The following DDC variants were observed in gnomAD, a reference collection of about 807,000 sequenced individuals.
DDC encodes aromatic-L-amino-acid decarboxylase.
DDC carries 43 observed loss-of-function variants against 60.0 expected under a neutral mutation model. The ratio of observed to expected loss-of-function variants is 0.72; its 90% confidence interval spans 0.56 to 0.92. The LOEUF is 0.92. Among genes scored for constraint, DDC ranks in the 40% least tolerant of loss-of-function variants. The pLI, the probability that DDC is intolerant of heterozygous loss-of-function variation, is 0.00. For missense variants in DDC, 573 were observed against 620.2 expected, an observed-to-expected ratio of 0.92 and a Z score of 0.81; for synonymous variants, 232 against 234.6, an observed-to-expected ratio of 0.99 and a Z score of 0.10.
At chr7:50,484,304 T>C (rs1160652741) in intron 9 of DDC, among the ~76,000 whole-genome samples, 1 of 152,230 alleles carries the variant, frequency 6.6e-6, no homozygotes, top group African/African-American at 2.4e-5. Flanking sequence ...TTCTTATTGC[T>C]TTCTTCCTTT....
At chr7:50,517,549 C>A (rs932475201) in intron 6 of DDC, among the ~76,000 whole-genome samples, 5 of 152,258 alleles carry the variant, frequency 3.3e-5, no homozygotes, top group South Asian at 4.1e-4. Flanking sequence ...CACTTCTTTA[C>A]AACATAGTAC....
At chr7:50,469,838 G>A (rs2042488286) in intron 12 of DDC, among the ~76,000 whole-genome samples, 1 of 152,096 alleles carries the variant, frequency 6.6e-6, no homozygotes, top group South Asian at 2.1e-4. Context: ...AATTAGCTGG[G>A]CATGATGGCG....
At chr7:50,530,690 G>A (rs1213563842) in intron 4 of DDC, among the ~76,000 whole-genome samples, 2 of 152,166 alleles carry the variant, frequency 1.3e-5, no homozygotes, top group Non-Finnish European at 2.9e-5. Context: ...GGCCTAGAAA[G>A]GTAGGGGCAG....
At chr7:50,511,231 G>A (rs2043569513) in intron 6 of DDC, among the ~76,000 whole-genome samples, 1 of 151,238 alleles carries the variant, frequency 6.6e-6, no homozygotes, top group Admixed American at 6.6e-5. Flanking sequence ...ATGTATGTGT[G>A]TACATATATG....
At chr7:50,544,263 A>C in intron 1 of DDC, 150 bp from the exon 2 acceptor site, 3 of 677,998 alleles carry the variant, frequency 4.4e-6, no homozygotes, top group Non-Finnish European at 8.0e-6. Flanking sequence ...CTTTCCCTCC[A>C]TGTCTGTAGG....
intron 11 of DDC, among the ~76,000 whole-genome samples, chr7:50,475,309 T>C (rs557016909): frequency 1.3e-5 from 2 of 152,326 alleles, no homozygotes; most frequent in African/African-American, 4.8e-5. Flanking sequence ...TTCCAAAAGA[T>C]AAGTCAGATT....
At chr7:50,483,165 A>G (rs1204226280) in intron 9 of DDC, among the ~76,000 whole-genome samples, 1 of 152,140 alleles carries the variant, frequency 6.6e-6, no homozygotes, top group Non-Finnish European at 1.5e-5. Context: ...CTTTTATCAG[A>G]TTAAGAAGTT....
chr7:50,503,216 C>T (rs2097332402), intron 7 of DDC, among the ~76,000 whole-genome samples: 1 of 152,250 alleles, frequency 6.6e-6, no homozygotes, highest in South Asian at 2.1e-4. Context: ...CCACTCACAG[C>T]CGAGCGGTCA....
intron 6 of DDC, among the ~76,000 whole-genome samples, chr7:50,515,561 T>C (rs2043704205): frequency 6.6e-6 from 1 of 152,142 alleles, no homozygotes; most frequent in African/African-American, 2.4e-5. Flanking sequence ...AAGAGCATGA[T>C]GAATGCAAGG....
intron 1 of DDC, among the ~76,000 whole-genome samples, chr7:50,546,331 G>T (rs2153551179): frequency 6.6e-6 from 1 of 152,308 alleles, no homozygotes; most frequent in East Asian, 1.9e-4. Context: ...GGGAGGGGCT[G>T]AACTCAATTC....
intron 9 of DDC, among the ~76,000 whole-genome samples, chr7:50,491,934 C>T (rs2043005704): frequency 6.6e-6 from 1 of 152,124 alleles, no homozygotes; most frequent in African/African-American, 2.4e-5. Flanking sequence ...CAGGAATGTC[C>T]CTAAGCTTAG....
chr7:50,490,850 T>C (rs2042984270), intron 9 of DDC, among the ~76,000 whole-genome samples: 1 of 152,252 alleles, frequency 6.6e-6, no homozygotes, highest in Admixed American at 6.5e-5. Flanking sequence ...ATCAAGCCAA[T>C]CATAATAGAA....
chr7:50,557,739 C>T (rs1361692619), intron 1 of DDC, among the ~76,000 whole-genome samples: 1 of 152,136 alleles, frequency 6.6e-6, no homozygotes, highest in Non-Finnish European at 1.5e-5. Context: ...ATAGGTCGCA[C>T]CTATTGGGTC....
intron 9 of DDC, among the ~76,000 whole-genome samples, chr7:50,484,033 G>C (rs988426346): frequency 1.3e-5 from 2 of 152,116 alleles, no homozygotes; most frequent in African/African-American, 2.4e-5. Flanking sequence ...ATCATGTTTT[G>C]TTGTAGTTAT....
intron 6 of DDC, 158 bp downstream of exon 6, chr7:50,527,979 C>T (rs2044085489): frequency 4.0e-6 from 3 of 755,444 alleles, no homozygotes; most frequent in Middle Eastern, 4.0e-4. Flanking sequence ...TCACTGCAAC[C>T]TCCGCCTCCC....
intron 6 of DDC, among the ~76,000 whole-genome samples, chr7:50,508,353 G>A (rs962595034): frequency 6.6e-6 from 1 of 152,222 alleles, no homozygotes; most frequent in Non-Finnish European, 1.5e-5. Context: ...AGGAGGGGTA[G>A]GGGACAGTTC....
At chr7:50,481,347 T>C (rs1033958646) in intron 9 of DDC, among the ~76,000 whole-genome samples, 1 of 152,244 alleles carries the variant, frequency 6.6e-6, no homozygotes, top group African/African-American at 2.4e-5. Flanking sequence ...ATAGGCATTT[T>C]ATGGGGAGCC....
rs2042423896 is a variant in DDC, at chr7:50,467,447, T to A, written c.1141-132A>T. On this transcript the variant is annotated intron_variant, in intron 12 of 14. Coordinates refer to ENST00000444124, the MANE Select transcript of DDC (RefSeq NM_001082971.2). Reference sequence around the variant, plus strand: ...TCTTGGCAATTTTCCTCAAGTGCTTTTACCGTTCACTGACCAGCTGTTTCC... The same window carrying A: ...TCTTGGCAATTTTCCTCAAGTGCTTATACCGTTCACTGACCAGCTGTTTCC... The A allele has an allele frequency of 5.9e-5, 44 of 750,226 alleles. No homozygotes were observed. In the South Asian group the frequency reaches 6.3e-4, roughly 11 times the overall value. The allele number at this position is 750,226 out of a possible 1,614,324, so 46.5% of individuals were successfully genotyped here.
intron 1 of DDC, among the ~76,000 whole-genome samples, chr7:50,563,837 A>C (rs549606342): frequency 6.6e-6 from 1 of 152,322 alleles, no homozygotes; most frequent in South Asian, 2.1e-4. Context: ...CCTGAGCACA[A>C]GTGATCTGCC....
Sources: allele counts gnomAD v4.1 joint callset (sites outside exome capture counted in the v4.1 genomes callset), GRCh38; gene constraint gnomAD v4.1.1; transcripts MANE v1.5; gene names NCBI Gene and HGNC (gene_info 2026-07-23, HGNC 2026-07-21).